Variants in VGLL4 observed in about 807,000 individuals in gnomAD.
The protein encoded by VGLL4 is vestigial like family member 4.
Under a neutral mutation model 21.0 loss-of-function variants are expected in VGLL4, and 7 were observed. That is an observed-to-expected ratio of 0.33 (90% CI 0.19 to 0.63). The LOEUF is 0.63. VGLL4 is among the 20% of genes least tolerant of loss of function. The pLI, the probability that VGLL4 is intolerant of heterozygous loss-of-function variation, is 0.78. For synonymous variants in VGLL4, 222 were observed against 173.2 expected (o/e 1.28, Z -2.21); for missense variants, 394 against 425.7 (o/e 0.93, Z 0.66).
chr3:11,679,115 A>C (rs1175864330), intron 2 of VGLL4, among the ~76,000 whole-genome samples: 1 of 152,060 alleles, frequency 6.6e-6, no homozygotes, highest in Non-Finnish European at 1.5e-5. Flanking sequence ...TTTAGGGTAC[A>C]CTCCTTCTAC....
At position 11,653,560 on chromosome 3, in the gene VGLL4, TG is replaced by T. The variant is rs1480495605; in HGVS notation, c.64+49410del. Among the ~76,000 whole-genome samples the T allele has an allele frequency of 8.5e-5, 13 of 152,208 alleles. No individual in the cohort carries two copies. Among genetic ancestry groups the T allele is most frequent in the African/African-American group, 2.9e-4 (12 of 41,452 alleles). On this transcript the variant is annotated intron_variant, in intron 2 of 5. Transcript: ENST00000273038. The surrounding 1 kb of genome is among the most constrained non-coding windows in gnomAD (Gnocchi z 4.2). ...GATGGGCATTTAGGTAGTTTCTACC[TG>T]GGGGTTATTATAAATAGTGCTGCTA... is the stretch of plus-strand genomic sequence containing the variant.
chr3:11,665,494 C>T (rs1357813794), intron 2 of VGLL4, among the ~76,000 whole-genome samples: 1 of 152,248 alleles, frequency 6.6e-6, no homozygotes, highest in Non-Finnish European at 1.5e-5. Context: ...ACCAAAGCAA[C>T]TTCACACTGT....
chr3:11,705,570 T>A (rs2076748314), intron 1 of VGLL4, among the ~76,000 whole-genome samples: 1 of 152,218 alleles, frequency 6.6e-6, no homozygotes, highest in African/African-American at 2.4e-5. Flanking sequence ...ATTTGTGAAC[T>A]TGTTCAACAA....
At chr3:11,641,170 C>T (rs1302941789) in intron 1 of VGLL4, among the ~76,000 whole-genome samples, 2 of 149,712 alleles carry the variant, frequency 1.3e-5, no homozygotes, top group African/African-American at 4.9e-5. Flanking sequence ...TAGAGTAGAG[C>T]TATGTCTCAT....
At chr3:11,652,134 A>G (rs1387963546) in intron 2 of VGLL4, among the ~76,000 whole-genome samples, 1 of 152,218 alleles carries the variant, frequency 6.6e-6, no homozygotes, top group Admixed American at 6.5e-5. Flanking sequence ...CTAGGGGTGA[A>G]CTTTAAATTA....
chr3:11,671,494 T>C (rs988304620), intron 2 of VGLL4: 11 of 653,246 alleles, frequency 1.7e-5, no homozygotes, highest in Non-Finnish European at 3.1e-5. Flanking sequence ...CAAAAATCCA[T>C]GCATACTCAA....
At chr3:11,573,320 A>AAGGAAGG (rs2073912568) in intron 2 of VGLL4, among the ~76,000 whole-genome samples, 3 of 27,386 alleles carry the variant, frequency 1.1e-4, no homozygotes, top group African/African-American at 4.7e-4. Context: ...AGGAAGGAAG[A>AAGGAAGG]AAGAAAGAAA....
intron 2 of VGLL4, among the ~76,000 whole-genome samples, chr3:11,676,413 A>AAATAATAAT (rs1166202347): frequency 1.1e-4 from 5 of 46,938 alleles, no homozygotes; most frequent in South Asian, 4.9e-4. Flanking sequence ...AAAAAAAATA[A>AAATAATAAT]AATAATAATA....
chr3:11,622,959 C>T (rs986657261), intron 1 of VGLL4, among the ~76,000 whole-genome samples: 1 of 152,140 alleles, frequency 6.6e-6, no homozygotes, highest in African/African-American at 2.4e-5. Context: ...TTGGAATTAC[C>T]CATTTACTTA....
intron 2 of VGLL4, among the ~76,000 whole-genome samples, chr3:11,678,345 T>C (rs35074544): frequency 0.53 from 80,257 of 151,882 alleles, 22,247 homozygotes; most frequent in Non-Finnish European, 0.63. Context: ...CGTGAGCCTC[T>C]GCACCCAGCC....
chr3:11,605,215 A>C (rs1575444107), intron 1 of VGLL4, among the ~76,000 whole-genome samples: 1 of 9,130 alleles, frequency 1.1e-4, no homozygotes, highest in Non-Finnish European at 2.6e-4. Context: ...CCATCTTCCA[A>C]AGCGCCCCCA....
intron 1 of VGLL4, among the ~76,000 whole-genome samples, chr3:11,629,654 G>A (rs146113017): frequency 0.015 from 2,196 of 150,990 alleles, 56 homozygotes; most frequent in African/African-American, 0.05. Flanking sequence ...GGCTGAGGTA[G>A]GAGAATCACT....
intron 2 of VGLL4, among the ~76,000 whole-genome samples, chr3:11,672,603 C>T (rs1015847757): frequency 3.3e-5 from 5 of 152,210 alleles, no homozygotes; most frequent in African/African-American, 1.2e-4. Context: ...TGTCACCTCC[C>T]CTTGCAGAGA....
chr3:11,586,095 T>C (rs2074355619), intron 2 of VGLL4, among the ~76,000 whole-genome samples: 1 of 152,222 alleles, frequency 6.6e-6, no homozygotes, highest in African/African-American at 2.4e-5. Context: ...GATTCATTAC[T>C]GAATCTTGAA....
chr3:11,577,535 G>C (rs2074089545), intron 2 of VGLL4, among the ~76,000 whole-genome samples: 1 of 152,204 alleles, frequency 6.6e-6, no homozygotes, highest in South Asian at 2.1e-4. Context: ...AGAGGCTGCA[G>C]TGAGCCGAGA....
intron 2 of VGLL4, among the ~76,000 whole-genome samples, chr3:11,575,189 G>C (rs895526518): frequency 7.2e-5 from 11 of 152,284 alleles, no homozygotes; most frequent in Admixed American, 7.2e-4. Flanking sequence ...CCAATGCCCG[G>C]AGGGTTTCAA....
chr3:11,573,345 A>G lies in VGLL4; in HGVS notation c.273-8326T>C, dbSNP rs542658713. 2.1e-3 allele frequency among the ~76,000 whole-genome samples: 212 copies of G among 102,426 alleles called. 2 individuals carry two copies. The highest frequency in any genetic ancestry group is 5.0e-3 in the East Asian group (16 of 3,186). The allele number at this position is 102,426 out of a possible 152,430, so 67.2% of individuals were successfully genotyped here. A position where few individuals can be genotyped will look rare whatever the true frequency, so the allele number is the denominator to read the frequency against. ...AAAGAAAGAAAGAAAGAAAGAAAGAAAGAAAGAAAGAAAGAAAGAAAGAAA... is the reference window on the plus strand; with the variant it reads ...AAAGAAAGAAAGAAAGAAAGAAAGAGAGAAAGAAAGAAAGAAAGAAAGAAA... On this transcript the variant is annotated intron_variant, in intron 2 of 4. Coordinates refer to ENST00000430365, the MANE Select transcript of VGLL4 (RefSeq NM_001128219.3).
At chr3:11,616,261 G>A (rs1402471747) in intron 1 of VGLL4, among the ~76,000 whole-genome samples, 1 of 152,132 alleles carries the variant, frequency 6.6e-6, no homozygotes, top group Non-Finnish European at 1.5e-5. Context: ...GGTCTAGAGT[G>A]CAAGCCTCAC....
At chr3:11,680,923 C>G (rs1265437048) in intron 2 of VGLL4, among the ~76,000 whole-genome samples, 1 of 152,200 alleles carries the variant, frequency 6.6e-6, no homozygotes, top group Non-Finnish European at 1.5e-5. Flanking sequence ...GGCGGAATCC[C>G]CGCCGTGAAG....
Sources: allele counts gnomAD v4.1 joint callset (sites outside exome capture counted in the v4.1 genomes callset), GRCh38; gene constraint gnomAD v4.1.1; non-coding constraint Gnocchi (gnomAD v3.1); transcripts MANE v1.5; gene names NCBI Gene and HGNC (gene_info 2026-07-23, HGNC 2026-07-21).